Variants in DPP6 observed in about 807,000 individuals in gnomAD.
DPP6 encodes the protein A-type potassium channel modulatory protein DPP6.
DPP6 carries 69 observed loss-of-function variants against 122.6 expected under a neutral mutation model. The observed-to-expected ratio is 0.56, with a 90% CI of 0.46 to 0.69. The LOEUF is 0.69. Among genes scored for constraint, DPP6 ranks in the 30% least tolerant of loss-of-function variants. The pLI, the probability that DPP6 is intolerant of heterozygous loss-of-function variation, is 0.00. For synonymous variants in DPP6, 418 were observed against 433.1 expected, an observed-to-expected ratio of 0.97 and a Z score of 0.43; for missense variants, 928 against 1,116.9, an observed-to-expected ratio of 0.83 and a Z score of 2.41.
intron 1 of DPP6, among the ~76,000 whole-genome samples, chr7:154,260,187 G>A (rs943768324): frequency 2.6e-5 from 4 of 152,204 alleles, no homozygotes; most frequent in African/African-American, 9.6e-5. Flanking sequence ...AGGAGAGGAT[G>A]TGGGCTGGAG....
upstream of DPP6, among the ~76,000 whole-genome samples, chr7:154,051,458 A>G (rs1431225464): frequency 1.3e-5 from 2 of 149,792 alleles, no homozygotes; most frequent in Admixed American, 1.3e-4. Context: ...CCGGGAGGGG[A>G]AGAGAAGCCA....
the DPP6 span, among the ~76,000 whole-genome samples, chr7:153,760,415 A>G: frequency 6.6e-6 from 1 of 152,108 alleles, no homozygotes; most frequent in Non-Finnish European, 1.5e-5. Context: ...TGAGATTTGT[A>G]TTGTTTTGCT....
At chr7:154,613,898 G>A (rs955891323) in intron 5 of DPP6, among the ~76,000 whole-genome samples, 2 of 152,186 alleles carry the variant, frequency 1.3e-5, no homozygotes, top group South Asian at 4.1e-4. Flanking sequence ...CCATCAGCAT[G>A]CAACCACATG....
chr7:154,783,261 C>T (rs571314753), intron 10 of DPP6, among the ~76,000 whole-genome samples: 1 of 152,232 alleles, frequency 6.6e-6, no homozygotes, highest in East Asian at 1.9e-4. Context: ...CCTCCCTGGG[C>T]GAGGGTGACA....
intron 10 of DPP6, among the ~76,000 whole-genome samples, chr7:154,775,253 G>A (rs1796489919): frequency 6.6e-6 from 1 of 152,088 alleles, no homozygotes; most frequent in Non-Finnish European, 1.5e-5. Flanking sequence ...GTAAAATGGA[G>A]ATAATTTTAA....
intron 1 of DPP6, among the ~76,000 whole-genome samples, chr7:153,959,513 A>G (rs1457683167): frequency 1.3e-5 from 2 of 152,260 alleles, no homozygotes; most frequent in Admixed American, 1.3e-4. Context: ...CAGCTTCTCC[A>G]TCAGCACTTG....
At chr7:154,199,191 TTGGAGAAGGCTTG>T (rs1372742719) in intron 1 of DPP6, among the ~76,000 whole-genome samples, 1 of 152,136 alleles carries the variant, frequency 6.6e-6, no homozygotes, top group East Asian at 1.9e-4. Context: ...CCACCAACAT[TTGGAGAAGGCTTG>T]TGGGCTGTTT....
rs540480449 is a variant in DPP6 at position 154,721,398 on chromosome 7, C to A, written c.763-6369C>A. On this transcript the variant is annotated intron_variant, in intron 7 of 25. Transcript: ENST00000377770. ...TGCTCCTGTGTCTTCATCTACAAAG[C>A]AGGAATGATAGTACCTGCCCCATAG... is the stretch of plus-strand genomic sequence containing the variant. Among the ~76,000 whole-genome samples the A allele has an allele frequency of 2.0e-5, 3 of 152,276 alleles. No homozygotes were observed. In the East Asian group the frequency reaches 5.8e-4, roughly 29 times the overall value.
chr7:154,372,556 T>G (rs567675649), intron 1 of DPP6, among the ~76,000 whole-genome samples: 1 of 152,158 alleles, frequency 6.6e-6, no homozygotes, highest in Non-Finnish European at 1.5e-5. Flanking sequence ...CCTATTCAGA[T>G]ATGAAGTCAA....
chr7:154,530,125 A>G (rs1827720963), intron 3 of DPP6, among the ~76,000 whole-genome samples: 1 of 151,890 alleles, frequency 6.6e-6, no homozygotes. Flanking sequence ...ACTCTGTCTC[A>G]AAAGAAAAAA....
chr7:154,856,713 A>G (rs117261493), intron 17 of DPP6, among the ~76,000 whole-genome samples: 137 of 152,352 alleles, frequency 9.0e-4, no homozygotes, highest in East Asian at 7.9e-3. Context: ...CTAGGTTGCC[A>G]TCCATATCCG....
chr7:154,842,135 G>A (rs13237310), intron 16 of DPP6, among the ~76,000 whole-genome samples: 18,528 of 152,222 alleles, frequency 0.12, 1,161 homozygotes, highest in South Asian at 0.21. Flanking sequence ...GAGCCTGTTC[G>A]CAGCGGGCCA....
At chr7:154,555,837 A>T (rs1396819656) in intron 4 of DPP6, among the ~76,000 whole-genome samples, 4 of 152,000 alleles carry the variant, frequency 2.6e-5, no homozygotes, top group African/African-American at 4.8e-5. Flanking sequence ...AGAAGATTGA[A>T]CAAAGCAAAC....
chr7:154,678,783 C>T (rs1350288134), intron 7 of DPP6, among the ~76,000 whole-genome samples: 14 of 152,206 alleles, frequency 9.2e-5, no homozygotes, highest in Admixed American at 9.2e-4. Context: ...ATCGTGGTTG[C>T]AGCACTTACT....
chr7:154,079,890 C>T (rs1348002177), intron 1 of DPP6, among the ~76,000 whole-genome samples: 1 of 151,632 alleles, frequency 6.6e-6, no homozygotes, highest in African/African-American at 2.4e-5. Context: ...GTGTTGCAAA[C>T]ACAAGACCTG....
chr7:154,829,149 G>A (rs1334269605), intron 16 of DPP6, among the ~76,000 whole-genome samples: 9 of 151,990 alleles, frequency 5.9e-5, no homozygotes, highest in African/African-American at 9.7e-5. Context: ...CTGGGAGGCC[G>A]AGGCAGGTGG....
the DPP6 span, among the ~76,000 whole-genome samples, chr7:153,867,778 G>T: frequency 6.6e-6 from 1 of 151,596 alleles, no homozygotes; most frequent in Non-Finnish European, 1.5e-5. Flanking sequence ...TATGATATTG[G>T]CTGTGGGTTT....
chr7:153,843,169 C>T, the DPP6 span, among the ~76,000 whole-genome samples: 1 of 151,966 alleles, frequency 6.6e-6, no homozygotes, highest in Non-Finnish European at 1.5e-5. Context: ...TGTGCATACA[C>T]ACACGAGTGC....
the DPP6 span, among the ~76,000 whole-genome samples, chr7:153,856,786 T>C: frequency 0.11 from 17,398 of 152,130 alleles, 1,133 homozygotes; most frequent in South Asian, 0.25. Flanking sequence ...CCAAATCACA[T>C]TTTCAGGATC....
Sources: gnomAD v4.1 joint callset for allele counts (sites outside exome capture counted in the v4.1 genomes callset) on GRCh38, gnomAD v4.1.1 for gene constraint, MANE v1.5 for transcripts, NCBI Gene and HGNC (gene_info 2026-07-23, HGNC 2026-07-21) for gene names.